The following KIAA1549L variants were observed in gnomAD, a reference collection of about 807,000 sequenced individuals.
KIAA1549L encodes UPF0606 protein KIAA1549L.
A neutral mutation model predicts 160.7 loss-of-function variants in KIAA1549L; 88 were observed. The observed-to-expected ratio is 0.55, with a 90% confidence interval of 0.46 to 0.65. KIAA1549L has a LOEUF of 0.65. Among genes scored for constraint, KIAA1549L ranks in the 30% least tolerant of loss-of-function variants. KIAA1549L has a pLI of 0.00. For synonymous variants in KIAA1549L, 950 were observed against 976.7 expected (o/e 0.97, Z 0.51); for missense variants, 2,258 against 2,437.5 (o/e 0.93, Z 1.55).
At chr11:33,657,599 C>A (rs1266191225) in intron 18 of KIAA1549L, among the ~76,000 whole-genome samples, 1 of 151,994 alleles carries the variant, frequency 6.6e-6, no homozygotes, top group Non-Finnish European at 1.5e-5. Flanking sequence ...GAGTTTGAGA[C>A]CAGCCTGGAC....
chr11:33,429,210 G>A (rs553446980), intron 1 of KIAA1549L, among the ~76,000 whole-genome samples: 1 of 152,276 alleles, frequency 6.6e-6, no homozygotes, highest in East Asian at 1.9e-4. Context: ...GACCTCAAGT[G>A]ATCCGCCCAC....
At chr11:33,404,134 G>C (rs1196414936) in intron 1 of KIAA1549L, among the ~76,000 whole-genome samples, 1 of 152,166 alleles carries the variant, frequency 6.6e-6, no homozygotes, top group African/African-American at 2.4e-5. Context: ...TCTCAGGGAG[G>C]GTGGAATGGA....
chr11:33,436,161 T>G (rs953139785), intron 1 of KIAA1549L, among the ~76,000 whole-genome samples: 56 of 151,982 alleles, frequency 3.7e-4, no homozygotes, highest in African/African-American at 1.1e-3. Context: ...CATCTGGGGA[T>G]TTTGGTACCT....
intron 8 of KIAA1549L, among the ~76,000 whole-genome samples, chr11:33,563,265 C>T (rs1854930009): frequency 6.7e-6 from 1 of 149,788 alleles, no homozygotes; most frequent in Non-Finnish European, 1.5e-5. Flanking sequence ...AGGAGAATCA[C>T]TTGAAACCAG....
intron 16 of KIAA1549L, among the ~76,000 whole-genome samples, chr11:33,643,816 T>A (rs1321337422): frequency 6.6e-6 from 1 of 152,248 alleles, no homozygotes; most frequent in African/African-American, 2.4e-5. Context: ...GAATGTTCTA[T>A]GCATTGTGAA....
chr11:33,408,781 CAAA>C (rs71034683), intron 1 of KIAA1549L, among the ~76,000 whole-genome samples: 112 of 115,316 alleles, frequency 9.7e-4, no homozygotes, highest in South Asian at 2.6e-3. Context: ...ACTAAAAATA[CAAA>C]AAAAAAAAAA....
rs998272543 is a variant in KIAA1549L, at chr11:33,618,726, G to A, written c.5409+64G>A. On this transcript the variant is annotated intron_variant, in intron 16 of 20. Transcript: ENST00000658780. The stretch of plus-strand genomic sequence containing the variant: ...TTCCCCTGAAGGCAAGGGGGATAGG[G>A]CATCCCACTGTGTTTTGGTTTACCA... 4.5e-5 allele frequency: 60 copies of A among 1,343,676 alleles called. 2 individuals carry two copies. The South Asian group carries it at 8.1e-4, about 18-fold the overall frequency. The allele number at this position is 1,343,676 out of a possible 1,614,324, so 83.2% of individuals were successfully genotyped here.
chr11:33,603,269 G>A (rs1235370469), intron 13 of KIAA1549L, among the ~76,000 whole-genome samples: 1 of 114,742 alleles, frequency 8.7e-6, no homozygotes, highest in Non-Finnish European at 2.1e-5. Context: ...TTCTAGTCTA[G>A]GGAAAGGGGT....
intron 10 of KIAA1549L, among the ~76,000 whole-genome samples, chr11:33,581,865 AT>A (rs1179503235): frequency 2.0e-5 from 3 of 152,150 alleles, no homozygotes; most frequent in Non-Finnish European, 2.9e-5. Context: ...AGGTGAGGGG[AT>A]TTTACATACT....
intron 1 of KIAA1549L, among the ~76,000 whole-genome samples, chr11:33,456,131 T>C (rs529274289): frequency 6.6e-6 from 1 of 152,148 alleles, no homozygotes; most frequent in Non-Finnish European, 1.5e-5. Flanking sequence ...GGATTTAAAA[T>C]GAAAAGAGGA....
rs79205083 is a variant in KIAA1549L, at chr11:33,514,943, A to G, written c.239-26859A>G. Among the ~76,000 whole-genome samples the G allele has an allele frequency of 1.2e-3, 180 of 152,338 alleles. 2 individuals are homozygous for G. Among genetic ancestry groups the G allele is most frequent in the African/African-American group, 4.1e-3 (170 of 41,584 alleles). On this transcript the variant is annotated intron_variant, in intron 1 of 20. Coordinates refer to ENST00000658780, the MANE Select transcript of KIAA1549L (RefSeq NM_012194.3). ...TTGCCTTAATGCTTACTTGGTGCAT[A>G]AAATTGATATTTTAGTGAAAAGTTT...
chr11:33,553,066 G>T (rs1342115112), intron 6 of KIAA1549L, among the ~76,000 whole-genome samples: 1 of 152,204 alleles, frequency 6.6e-6, no homozygotes, highest in Non-Finnish European at 1.5e-5. Flanking sequence ...GAGTTAAAGG[G>T]TGATGGGAAA....
chr11:33,661,044 C>T (rs1852245150), intron 20 of KIAA1549L, 30 bp downstream of exon 20: 2 of 1,579,254 alleles, frequency 1.3e-6, no homozygotes, highest in Non-Finnish European at 1.7e-6. Context: ...CCTCATAAAA[C>T]TTTACCTGCT....
At chr11:33,595,751 A>T (rs996792605) in intron 12 of KIAA1549L, among the ~76,000 whole-genome samples, 1 of 152,192 alleles carries the variant, frequency 6.6e-6, no homozygotes, top group African/African-American at 2.4e-5. Context: ...TTCCTGCTAG[A>T]TAAAGACTGC....
At chr11:33,549,555 T>G (rs953459751) in intron 4 of KIAA1549L, among the ~76,000 whole-genome samples, 7 of 152,202 alleles carry the variant, frequency 4.6e-5, no homozygotes, top group Non-Finnish European at 1.5e-5. Context: ...TTGTTCCACC[T>G]AAAATCATCT....
At chr11:33,429,536 C>T (rs1470401159) in intron 1 of KIAA1549L, among the ~76,000 whole-genome samples, 1 of 152,146 alleles carries the variant, frequency 6.6e-6, no homozygotes, top group Non-Finnish European at 1.5e-5. Context: ...GCCCTCACGG[C>T]AGCATTTAAG....
chr11:33,638,961 G>T (rs1460428380), intron 16 of KIAA1549L, among the ~76,000 whole-genome samples: 1 of 152,080 alleles, frequency 6.6e-6, no homozygotes, highest in East Asian at 1.9e-4. Flanking sequence ...TTTCTAAATT[G>T]AGTTGCTTGT....
At chr11:33,390,324 A>G (rs933754743) in intron 1 of KIAA1549L, among the ~76,000 whole-genome samples, 1 of 152,126 alleles carries the variant, frequency 6.6e-6, no homozygotes, top group Non-Finnish European at 1.5e-5. Context: ...TCTTCTTCCT[A>G]TGGCCCAGTT....
chr11:33,583,352 C>T lies in KIAA1549L; in HGVS notation c.4417C>T (p.Pro1473Ser), dbSNP rs1419706703. ...CTTTCCCACAGCCGTGGTGAAGAAC[C>T]CGCCCAATAACCTGTGGATCATCGC... ...LLQADPVVKN[P>S]PNNLWIIAAV... The change falls in exon 11 of 21, where the codon CCG (proline) becomes TCG (serine). Residue 1473 changes from proline (P) to serine (S), a missense_variant. Around this residue, in one of 6 missense-constraint regions of KIAA1549L, gnomAD observed 1,359 missense variants for 1,546.6 expected, o/e 0.88. Coordinates refer to ENST00000658780, the MANE Select transcript of KIAA1549L (RefSeq NM_012194.3). 1.6e-5 allele frequency: 25 copies of T among 1,605,182 alleles called. No individual in the cohort carries two copies. In the Admixed American group the frequency reaches 3.9e-4, roughly 25 times the overall value.
Sources: allele counts gnomAD v4.1 joint callset (sites outside exome capture counted in the v4.1 genomes callset), GRCh38; gene constraint gnomAD v4.1.1; regional missense constraint gnomAD v4.1.1; transcripts MANE v1.5; gene names NCBI Gene and HGNC (gene_info 2026-07-23, HGNC 2026-07-21).